The following IL1RAPL1 variants were observed in gnomAD, a reference collection of about 807,000 sequenced individuals.
IL1RAPL1 encodes interleukin-1 receptor accessory protein-like 1.
IL1RAPL1 carries 3 observed loss-of-function variants against 48.4 expected under a neutral mutation model. The ratio of observed to expected loss-of-function variants is 0.06; its 90% confidence interval spans 0.03 to 0.16. The LOEUF (loss-of-function observed/expected upper bound fraction) is 0.16. Among genes scored for constraint, IL1RAPL1 ranks in the 10% least tolerant of loss-of-function variants. The pLI is 1.00. For missense variants in IL1RAPL1, 349 were observed against 530.6 expected (o/e 0.66, Z 3.36); for synonymous variants, 185 against 187.7 (o/e 0.99, Z 0.12).
At chrX:28,982,147 G>C (rs1251525147) in intron 2 of IL1RAPL1, among the ~76,000 whole-genome samples, 1 of 111,999 alleles carries the variant, frequency 8.9e-6, no homozygotes, top group Non-Finnish European at 1.9e-5. Flanking sequence ...TTCTCTTTCA[G>C]TTTCATTGTT....
chrX:29,400,591 G>A (rs899891032), intron 5 of IL1RAPL1, among the ~76,000 whole-genome samples: 12 of 111,610 alleles, frequency 1.1e-4, no homozygotes, highest in Non-Finnish European at 2.3e-4. Flanking sequence ...AGCATAAAAA[G>A]GACATTAGCT....
intron 7 of IL1RAPL1, among the ~76,000 whole-genome samples, chrX:29,918,281 C>T (rs1191613342): frequency 2.2e-5 from 2 of 90,496 alleles, no homozygotes; most frequent in Admixed American, 1.3e-4. Context: ...CCGAGGTGGG[C>T]GGATCACCTG....
intron 5 of IL1RAPL1, among the ~76,000 whole-genome samples, chrX:29,501,486 G>A (rs1935272829): frequency 2.7e-5 from 3 of 111,338 alleles, no homozygotes; most frequent in African/African-American, 9.8e-5. Flanking sequence ...TGATGTTTGT[G>A]TATGGTGAGA....
At chrX:29,459,834 C>T (rs757792531) in intron 5 of IL1RAPL1, among the ~76,000 whole-genome samples, 92 of 111,789 alleles carry the variant, frequency 8.2e-4, no homozygotes, top group Non-Finnish European at 1.4e-3. Context: ...CTCTAGTTAT[C>T]GTGTTGTACA....
At chrX:29,410,616 A>G (rs1934132211) in intron 5 of IL1RAPL1, among the ~76,000 whole-genome samples, 1 of 111,958 alleles carries the variant, frequency 8.9e-6, no homozygotes, top group Non-Finnish European at 1.9e-5. Context: ...AATGCAGTCA[A>G]TTAGACCTCC....
At chrX:28,639,027 A>G (rs1418468456) in intron 1 of IL1RAPL1, among the ~76,000 whole-genome samples, 2 of 112,096 alleles carry the variant, frequency 1.8e-5, no homozygotes, top group African/African-American at 3.2e-5. Context: ...GACAAGTTAC[A>G]TAAACACTCT....
intron 1 of IL1RAPL1, among the ~76,000 whole-genome samples, chrX:28,695,336 T>C (rs1935219003): frequency 9.0e-6 from 1 of 110,645 alleles, no homozygotes; most frequent in African/African-American, 3.3e-5. Context: ...CACATACTTA[T>C]TAAATGAAGG....
In IL1RAPL1 at chrX:29,898,291, G is replaced by A. The variant is rs1015477322; in HGVS notation, c.779-19173G>A. 7.1e-5 allele frequency among the ~76,000 whole-genome samples: 8 copies of A among 112,200 alleles called. No homozygotes were observed. In the East Asian group the frequency reaches 1.1e-3, roughly 16 times the overall value. ...TGTCTTAATATTTGCTATAGCTGCC[G>A]TGGGCATGGCCACGGCAAATGTAAG... On this transcript the variant is annotated intron_variant, in intron 6 of 10. Coordinates refer to ENST00000378993, the MANE Select transcript of IL1RAPL1 (RefSeq NM_014271.4).
At chrX:29,070,153 T>A (rs1234379129) in intron 2 of IL1RAPL1, among the ~76,000 whole-genome samples, 4 of 112,115 alleles carry the variant, frequency 3.6e-5, no homozygotes, top group Non-Finnish European at 7.5e-5. Flanking sequence ...AATTCTGTTC[T>A]TTATATTATC....
At chrX:29,042,599 C>T (rs1926870815) in intron 2 of IL1RAPL1, among the ~76,000 whole-genome samples, 1 of 110,983 alleles carries the variant, frequency 9.0e-6, no homozygotes, top group Non-Finnish European at 1.9e-5. Flanking sequence ...TCATTGTAAG[C>T]GTAATTATAT....
intron 5 of IL1RAPL1, among the ~76,000 whole-genome samples, chrX:29,444,101 G>A (rs768571622): frequency 1.1e-3 from 126 of 111,922 alleles, no homozygotes; most frequent in Non-Finnish European, 1.9e-3. Context: ...CAGCACTTTG[G>A]GAGGCCAAGG....
chrX:29,955,890 T>C lies in IL1RAPL1; in HGVS notation c.*70T>C, dbSNP rs1024361427. The stretch of plus-strand genomic sequence containing the variant: ...CTGCAGTCCAGTGCCTGGAACTAAA[T>C]CCTCGACTGCTGCTGTTAAAAAACA... On this transcript the variant is annotated 3_prime_UTR_variant, in exon 11 of 11. Coordinates refer to ENST00000378993, the MANE Select transcript of IL1RAPL1 (RefSeq NM_014271.4). The C allele has an allele frequency of 2.5e-6, 2 of 796,231 alleles. No homozygotes were observed. Among genetic ancestry groups the C allele is most frequent in the African/African-American group, 4.1e-5 (2 of 49,072 alleles). The allele number at this position is 796,231 out of a possible 1,213,427, so 65.6% of individuals were successfully genotyped here. A position where few individuals can be genotyped will look rare whatever the true frequency, so the allele number is the denominator to read the frequency against.
intron 2 of IL1RAPL1, among the ~76,000 whole-genome samples, chrX:28,968,765 G>A (rs953034008): frequency 6.2e-5 from 7 of 112,725 alleles, no homozygotes; most frequent in Non-Finnish European, 1.1e-4. Flanking sequence ...ACTCACATAT[G>A]TGCACATTTG....
At chrX:29,451,602 C>A (rs1009553551) in intron 5 of IL1RAPL1, among the ~76,000 whole-genome samples, 4 of 111,252 alleles carry the variant, frequency 3.6e-5, no homozygotes, top group African/African-American at 1.3e-4. Context: ...TGAATTTGTT[C>A]TCTCTCTCTG....
rs780268275 is a variant in IL1RAPL1, at chrX:29,925,474, A to G, written c.1057+5380A>G. On this transcript the variant is annotated intron_variant, in intron 8 of 10. Transcript: ENST00000378993. ...GGGGGGGGCTTCTCTGCTCATTTGTATAAGACGTCTAATAGCACAAATTAT... is the reference window on the plus strand; with the variant it reads ...GGGGGGGGCTTCTCTGCTCATTTGTGTAAGACGTCTAATAGCACAAATTAT... Among the ~76,000 whole-genome samples, 538 of 62,838 alleles carry G rather than the reference A, an allele frequency of 8.6e-3. 6 individuals are homozygous for G. The highest frequency in any genetic ancestry group is 0.037 in the Middle Eastern group (2 of 54). The allele number at this position is 62,838 out of a possible 115,157, so 54.6% of individuals were successfully genotyped here. A position where few individuals can be genotyped will look rare whatever the true frequency, so the allele number is the denominator to read the frequency against.
intron 9 of IL1RAPL1, among the ~76,000 whole-genome samples, chrX:29,950,802 G>T (rs750505173): frequency 9.3e-6 from 1 of 107,982 alleles, no homozygotes; most frequent in Admixed American, 9.9e-5. Flanking sequence ...TCAGCCTCCC[G>T]AGTAGCTGGG....
chrX:28,884,586 A>G (rs1281282800), intron 2 of IL1RAPL1, among the ~76,000 whole-genome samples: 3 of 111,967 alleles, frequency 2.7e-5, no homozygotes, highest in Non-Finnish European at 5.7e-5. Context: ...GCCAGGAATA[A>G]TATCACAGAA....
At chrX:29,925,441 T>TTTTTTTTTTTTTTG (rs1932881076) in intron 8 of IL1RAPL1, among the ~76,000 whole-genome samples, 1 of 24,210 alleles carries the variant, frequency 4.1e-5, no homozygotes, top group Non-Finnish European at 8.2e-5. Flanking sequence ...TTTTTTTTTT[T>TTTTTTTTTTTTTTG]TTTTGCTGGG....
At chrX:29,161,953 A>G (rs1929693371) in intron 2 of IL1RAPL1, among the ~76,000 whole-genome samples, 2 of 112,376 alleles carry the variant, frequency 1.8e-5, no homozygotes, top group South Asian at 7.4e-4. Context: ...ACTTGGAACT[A>G]ACCCAAATAT....
Sources: gnomAD v4.1 joint callset for allele counts (sites outside exome capture counted in the v4.1 genomes callset) on GRCh38, gnomAD v4.1.1 for gene constraint, MANE v1.5 for transcripts, NCBI Gene and HGNC (gene_info 2026-07-23, HGNC 2026-07-21) for gene names.